PTPRD: variants seen among roughly 807,000 people sequenced by gnomAD.
PTPRD encodes the protein receptor-type tyrosine-protein phosphatase delta.
PTPRD carries 34 observed loss-of-function variants against 214.5 expected under a neutral mutation model. The ratio of observed to expected loss-of-function variants is 0.16; its 90% CI spans 0.12 to 0.21. The LOEUF is 0.21. Ranked by LOEUF, PTPRD falls within the 10% of genes least tolerant of loss-of-function variation. The pLI is 1.00. For synonymous variants in PTPRD, 1,128 were observed against 845.7 expected, an observed-to-expected ratio of 1.33 and a Z score of -5.79; for missense variants, 2,545 against 2,398.7, an observed-to-expected ratio of 1.06 and a Z score of -1.27.
chr9:9,665,050 T>C (rs2096691988), intron 7 of PTPRD, among the ~76,000 whole-genome samples: 1 of 151,722 alleles, frequency 6.6e-6, no homozygotes, highest in African/African-American at 2.4e-5. Context: ...TTCATATGTG[T>C]ATATTTGTTT....
intron 11 of PTPRD, among the ~76,000 whole-genome samples, chr9:8,832,207 G>C (rs377142090): frequency 6.6e-6 from 1 of 151,280 alleles, no homozygotes; most frequent in Non-Finnish European, 1.5e-5. Flanking sequence ...CAATAAAAAC[G>C]TTATGCCAAA....
intron 9 of PTPRD, among the ~76,000 whole-genome samples, chr9:9,276,586 C>T (rs1595016274): frequency 1.3e-5 from 2 of 151,248 alleles, no homozygotes; most frequent in Non-Finnish European, 3.0e-5. Flanking sequence ...GCTCCTGTGA[C>T]CTCCATGAGA....
At chr9:10,054,812 G>A (rs1345911992) in intron 3 of PTPRD, among the ~76,000 whole-genome samples, 3 of 152,076 alleles carry the variant, frequency 2.0e-5, no homozygotes, top group African/African-American at 4.8e-5. Flanking sequence ...TAGTCTTAAA[G>A]AAAGTCATCC....
chr9:8,948,891 G>C (rs2099086816), intron 11 of PTPRD, among the ~76,000 whole-genome samples: 1 of 151,800 alleles, frequency 6.6e-6, no homozygotes, highest in South Asian at 2.1e-4. Context: ...AGTGTTCCCA[G>C]TTATTTTTTT....
intron 11 of PTPRD, among the ~76,000 whole-genome samples, chr9:8,845,202 C>A (rs2097665473): frequency 6.6e-6 from 1 of 151,130 alleles, no homozygotes; most frequent in South Asian, 2.1e-4. Context: ...ACACACAATT[C>A]TGTGTTCCTC....
intron 3 of PTPRD, among the ~76,000 whole-genome samples, chr9:10,249,016 C>T (rs1010266488): frequency 3.3e-5 from 5 of 151,986 alleles, no homozygotes; most frequent in African/African-American, 9.7e-5. Context: ...ACAGTGAAGG[C>T]CTACTGCTTC....
chr9:8,924,242 T>G (rs893634031), intron 11 of PTPRD, among the ~76,000 whole-genome samples: 1 of 152,110 alleles, frequency 6.6e-6, no homozygotes, highest in Non-Finnish European at 1.5e-5. Context: ...AACCCAAAAT[T>G]TTTAATTCTT....
chr9:10,284,116 G>C (rs892178413), intron 3 of PTPRD, among the ~76,000 whole-genome samples: 1 of 152,174 alleles, frequency 6.6e-6, no homozygotes, highest in Non-Finnish European at 1.5e-5. Flanking sequence ...TTATTGTTGA[G>C]ATTGGATTTT....
At position 8,894,524 on chromosome 9, in the gene PTPRD, G is replaced by A. The variant is rs530523398; in HGVS notation, c.-104+124173C>T. 2.0e-4 allele frequency among the ~76,000 whole-genome samples: 31 copies of A among 152,112 alleles called. No individual in the cohort carries two copies. In the South Asian group the frequency reaches 6.5e-3, roughly 32 times the overall value. ...AGGAGTCAGAATGTGGGGGTTGGGG[G>A]GTGCTTAGAAACTGTAAGTGGGTAT... On this transcript the variant is annotated intron_variant, in intron 11 of 45. Transcript: ENST00000381196.
chr9:9,699,351 T>A (rs1352256526), intron 7 of PTPRD, among the ~76,000 whole-genome samples: 1 of 152,216 alleles, frequency 6.6e-6, no homozygotes, highest in Admixed American at 6.5e-5. Context: ...CCATTATCTT[T>A]TAATAAAATA....
intron 34 of PTPRD, among the ~76,000 whole-genome samples, chr9:8,442,332 T>A (rs963348428): frequency 1.3e-5 from 2 of 151,890 alleles, no homozygotes; most frequent in Non-Finnish European, 2.9e-5. Flanking sequence ...TATCAAACAC[T>A]TGCTCTATTT....
chr9:10,365,986 G>A (rs1443324429), intron 2 of PTPRD, among the ~76,000 whole-genome samples: 1 of 152,142 alleles, frequency 6.6e-6, no homozygotes, highest in Non-Finnish European at 1.5e-5. Context: ...ACAGTCAAAT[G>A]CAGAATGGTG....
chr9:10,269,042 A>T (rs187662168), intron 3 of PTPRD, among the ~76,000 whole-genome samples: 163 of 152,272 alleles, frequency 1.1e-3, no homozygotes, highest in African/African-American at 3.8e-3. Context: ...CAAAATCTCT[A>T]GCTGAGAACC....
chr9:8,565,102 T>C (rs1243310668), intron 14 of PTPRD, among the ~76,000 whole-genome samples: 2 of 152,136 alleles, frequency 1.3e-5, no homozygotes, highest in Non-Finnish European at 2.9e-5. Context: ...GAGACGAACA[T>C]GTGGCCATGT....
intron 3 of PTPRD, among the ~76,000 whole-genome samples, chr9:10,251,232 T>G (rs996829492): frequency 1.3e-5 from 2 of 152,152 alleles, no homozygotes; most frequent in African/African-American, 4.8e-5. Context: ...CTAGGCACTT[T>G]CATGTGAACA....
chr9:10,349,531 G>A (rs1250244809), intron 2 of PTPRD, among the ~76,000 whole-genome samples: 1 of 152,040 alleles, frequency 6.6e-6, no homozygotes, highest in Non-Finnish European at 1.5e-5. Flanking sequence ...CTCTCTATTT[G>A]ATGTCCTGTG....
rs1370196704 is a variant in PTPRD, at chr9:8,492,845, T to C, written c.2467+17A>G. 4 of 1,587,044 alleles carry C rather than the reference T, an allele frequency of 2.5e-6. No homozygotes were observed. The highest frequency in any genetic ancestry group is 1.7e-5 in the Admixed American group (1 of 59,924). On this transcript the variant is annotated intron_variant, in intron 27 of 45. Coordinates refer to ENST00000381196, the MANE Select transcript of PTPRD (RefSeq NM_002839.4). ...AGTATTACTGTTCAAGGCACATACA[T>C]GCACAGACATGATTACCTGCCCCAG...
chr9:9,175,776 G>A (rs1342073232), intron 10 of PTPRD, among the ~76,000 whole-genome samples: 3 of 151,910 alleles, frequency 2.0e-5, no homozygotes, highest in Non-Finnish European at 4.4e-5. Context: ...TCTCCCCATG[G>A]TCAGCACAGC....
intron 10 of PTPRD, among the ~76,000 whole-genome samples, chr9:9,019,360 G>GAAAGAAAA (rs879330252): frequency 1.3e-5 from 2 of 149,600 alleles, no homozygotes; most frequent in African/African-American, 4.9e-5. Context: ...AAGAAAGAAA[G>GAAAGAAAA]AATCTGAATT....
Sources: allele counts gnomAD v4.1 joint callset (sites outside exome capture counted in the v4.1 genomes callset), GRCh38; gene constraint gnomAD v4.1.1; transcripts MANE v1.5; gene names NCBI Gene and HGNC (gene_info 2026-07-23, HGNC 2026-07-21).